The following STPG2 variants were observed in gnomAD, a reference collection of about 807,000 sequenced individuals.
STPG2 encodes sperm-tail PG-rich repeat-containing protein 2.
Under a neutral mutation model 54.2 loss-of-function variants are expected in STPG2, and 56 were observed. The ratio of observed to expected loss-of-function variants is 1.03; its 90% CI spans 0.83 to 1.29. STPG2 has a LOEUF of 1.29. Among genes scored for constraint, STPG2 ranks in the 50% most tolerant of loss-of-function variants. The pLI, the probability that STPG2 is intolerant of heterozygous loss-of-function variation, is 0.00. For synonymous variants in STPG2, 200 were observed against 181.8 expected (o/e 1.10, Z -0.81); for missense variants, 596 against 544.9 (o/e 1.09, Z -0.93).
At chr4:97,562,409 T>A (rs992177995) in intron 10 of STPG2, among the ~76,000 whole-genome samples, 13 of 152,190 alleles carry the variant, frequency 8.5e-5, no homozygotes, top group African/African-American at 3.1e-4. Context: ...AGACTTCCTC[T>A]TTTCCTAATT....
chr4:97,998,340 C>T (rs926661531), intron 5 of STPG2, among the ~76,000 whole-genome samples: 2 of 152,126 alleles, frequency 1.3e-5, no homozygotes, highest in Non-Finnish European at 2.9e-5. Context: ...AAAATGAGGC[C>T]CAGCCAACTC....
At chr4:97,739,740 A>G (rs1395897575) in intron 9 of STPG2, among the ~76,000 whole-genome samples, 2 of 152,210 alleles carry the variant, frequency 1.3e-5, no homozygotes, top group Non-Finnish European at 2.9e-5. Context: ...CCAACCAAAA[A>G]GAGTCCAGGA....
chr4:98,117,178 C>G (rs1032236434), intron 3 of STPG2, among the ~76,000 whole-genome samples: 2 of 151,920 alleles, frequency 1.3e-5, no homozygotes, highest in Admixed American at 6.6e-5. Flanking sequence ...CTTAATTTCT[C>G]CTTTATTTTC....
intron 7 of STPG2, among the ~76,000 whole-genome samples, chr4:97,945,888 A>C (rs77143449): frequency 0.017 from 2,533 of 152,138 alleles, 81 homozygotes; most frequent in African/African-American, 0.058. Context: ...GTGAAACCCT[A>C]TCTCTACAAA....
In STPG2 at chr4:97,972,438, G is replaced by A. The variant is rs770713260; in HGVS notation, c.775C>T (p.Pro259Ser). The change falls in exon 7 of 11, where the codon CCT becomes TCT. Residue 259 changes from proline to serine, a missense_variant and splice_region_variant. Physicochemically the swap from Pro to Ser is moderately conservative, Grantham distance 74. Coordinates refer to ENST00000295268, the MANE Select transcript of STPG2 (RefSeq NM_174952.3). ...QDIRTEEMPG[P>S]GFYNVLNNTI... is the part of the protein sequence containing the mutation. ...TTGTTCAAGACATTATAAAATCCAGGACCTAAAATTATTAGAAGTATCATA... is the reference window on the plus strand; with the variant it reads ...TTGTTCAAGACATTATAAAATCCAGAACCTAAAATTATTAGAAGTATCATA... 5.4e-5 allele frequency: 80 copies of A among 1,494,040 alleles called. No individual in the cohort carries two copies. The highest frequency in any genetic ancestry group is 6.5e-5 in the Non-Finnish European group (72 of 1,111,786). 92.5% of individuals were successfully genotyped at this position (1,494,040 alleles called of 1,614,324 possible).
At chr4:97,829,876 A>C (rs552001891) in intron 9 of STPG2, among the ~76,000 whole-genome samples, 1 of 152,302 alleles carries the variant, frequency 6.6e-6, no homozygotes, top group East Asian at 1.9e-4. Flanking sequence ...GAACTGTGTA[A>C]AAAGAACAAA....
At chr4:97,906,855 T>C (rs988424967) in intron 8 of STPG2, among the ~76,000 whole-genome samples, 14 of 152,190 alleles carry the variant, frequency 9.2e-5, no homozygotes, top group African/African-American at 3.1e-4. Flanking sequence ...TAGGTATTGA[T>C]GGGACGTATC....
At chr4:97,553,938 C>T (rs1451303074), downstream of STPG2, among the ~76,000 whole-genome samples, 4 of 152,116 alleles carry the variant, frequency 2.6e-5, no homozygotes, top group African/African-American at 9.7e-5. Context: ...TGAGTCCTGC[C>T]ATACAGACAG....
intron 8 of STPG2, among the ~76,000 whole-genome samples, chr4:97,889,837 C>T (rs534093038): frequency 6.5e-4 from 99 of 151,974 alleles, no homozygotes; most frequent in African/African-American, 2.2e-3. Flanking sequence ...TTTCTCAGTA[C>T]GAAAATGATA....
At chr4:97,976,637 A>G (rs934299735) in intron 6 of STPG2, among the ~76,000 whole-genome samples, 1 of 152,190 alleles carries the variant, frequency 6.6e-6, no homozygotes, top group African/African-American at 2.4e-5. Flanking sequence ...GTAGGTGGTC[A>G]AATCTGCTCT....
intron 10 of STPG2, among the ~76,000 whole-genome samples, chr4:97,625,860 C>T (rs867351023): frequency 3.9e-5 from 6 of 152,150 alleles, no homozygotes; most frequent in Non-Finnish European, 8.8e-5. Context: ...AGCTTTTAAG[C>T]CATTTGTGGA....
intron 5 of STPG2, among the ~76,000 whole-genome samples, chr4:98,102,524 A>G (rs1392621814): frequency 1.3e-5 from 2 of 151,942 alleles, no homozygotes; most frequent in Non-Finnish European, 2.9e-5. Flanking sequence ...AAAAAAAGAG[A>G]TATTTCTGTT....
chr4:97,770,679 C>A (rs995668539), intron 9 of STPG2, among the ~76,000 whole-genome samples: 1 of 152,142 alleles, frequency 6.6e-6, no homozygotes, highest in African/African-American at 2.4e-5. Flanking sequence ...CTAAAAAGTT[C>A]TTGGAATCTG....
chr4:97,722,964 A>ATTTTTTTTTT (rs3974903), intron 9 of STPG2, among the ~76,000 whole-genome samples: 7 of 116,338 alleles, frequency 6.0e-5, no homozygotes, highest in East Asian at 2.4e-4. Context: ...CACCCGGCTA[A>ATTTTTTTTTT]TTTTTTTTTT....
rs1006269819 is a variant in STPG2 at position 98,143,466 on chromosome 4, C to A, written c.-316G>T. 2.0e-5 allele frequency among the ~76,000 whole-genome samples: 3 copies of A among 152,170 alleles called. No individual in the cohort carries two copies. Among genetic ancestry groups the A allele is most frequent in the Non-Finnish European group, 4.4e-5 (3 of 68,036 alleles). ...TAGGGATTAGACGCTCGCCCCGGTG[C>A]TTCCGGCCCTGACTCCGCCCACTTC... On this transcript the variant is annotated 5_prime_UTR_variant, in exon 1 of 11. Transcript: ENST00000295268.
At chr4:97,938,795 A>C (rs1328850041) in intron 8 of STPG2, among the ~76,000 whole-genome samples, 1 of 151,920 alleles carries the variant, frequency 6.6e-6, no homozygotes, top group Non-Finnish European at 1.5e-5. Flanking sequence ...CCACCTGGTC[A>C]GTCCTGATGA....
chr4:98,024,001 C>CAGTG (rs1736329385), intron 5 of STPG2, among the ~76,000 whole-genome samples: 1 of 152,114 alleles, frequency 6.6e-6, no homozygotes, highest in Non-Finnish European at 1.5e-5. Context: ...CAATGCCTCA[C>CAGTG]CCTGCTTCGG....
At chr4:98,087,704 G>T (rs551668613) in intron 5 of STPG2, among the ~76,000 whole-genome samples, 1 of 152,070 alleles carries the variant, frequency 6.6e-6, no homozygotes, top group South Asian at 2.1e-4. Context: ...GGGACTACAG[G>T]TGCCCGCCGC....
chr4:97,480,600 T>C (rs1730196176), intron 4 of STPG2, among the ~76,000 whole-genome samples: 2 of 151,594 alleles, frequency 1.3e-5, no homozygotes, highest in Admixed American at 1.3e-4. Context: ...TAATCATTAA[T>C]ACTGGATATT....
Sources: gnomAD v4.1 joint callset for allele counts (sites outside exome capture counted in the v4.1 genomes callset) on GRCh38, gnomAD v4.1.1 for gene constraint, MANE v1.5 for transcripts, NCBI Gene and HGNC (gene_info 2026-07-23, HGNC 2026-07-21) for gene names.